The following PTPN1 variants were observed in gnomAD, a reference collection of about 807,000 sequenced individuals.
PTPN1 encodes the protein protein tyrosine phosphatase non-receptor type 1.
Under a neutral mutation model 59.9 loss-of-function variants are expected in PTPN1, and 12 were observed. The observed-to-expected ratio is 0.20, with a 90% CI of 0.13 to 0.32. PTPN1 has a LOEUF of 0.32. Among genes scored for constraint, PTPN1 ranks in the 10% least tolerant of loss-of-function variants. The probability of loss-of-function intolerance (pLI) is 1.00; values close to 1 mark genes in which losing one functional copy is unlikely to be tolerated. For synonymous variants in PTPN1, 178 were observed against 203.6 expected, an observed-to-expected ratio of 0.87 and a Z score of 1.07; for missense variants, 356 against 549.2, an observed-to-expected ratio of 0.65 and a Z score of 3.52.
intron 5 of PTPN1, 116 bp from the exon 6 acceptor site, chr20:50,578,304 G>T (rs2122802171): frequency 1.1e-6 from 1 of 926,630 alleles, no homozygotes; most frequent in East Asian, 2.4e-5. Context: ...GAAAGTCTGA[G>T]AATGAATGTT....
chr20:50,552,997 T>A (rs1324929130), intron 1 of PTPN1, among the ~76,000 whole-genome samples: 3 of 152,198 alleles, frequency 2.0e-5, no homozygotes, highest in Non-Finnish European at 2.9e-5. Flanking sequence ...TTTTATTTCC[T>A]CTACTTGATT....
chr20:50,516,636 C>T (rs925046976), intron 1 of PTPN1, among the ~76,000 whole-genome samples: 19 of 152,032 alleles, frequency 1.2e-4, no homozygotes, highest in Admixed American at 3.3e-4. Flanking sequence ...TGTTTTTTCC[C>T]GAGGGGCATG....
At chr20:50,523,394 G>A (rs200467753) in intron 1 of PTPN1, among the ~76,000 whole-genome samples, 3 of 152,168 alleles carry the variant, frequency 2.0e-5, no homozygotes, top group East Asian at 1.9e-4. Flanking sequence ...CCAGCTCAGT[G>A]TTTTAGCACT....
chr20:50,574,379 G>A (rs770323480), intron 4 of PTPN1, 138 bp from the exon 5 acceptor site: 22 of 895,016 alleles, frequency 2.5e-5, no homozygotes, highest in Admixed American at 1.4e-4. Flanking sequence ...GCAGGCATCT[G>A]TGCTGACCAT....
rs545104228 is a variant in PTPN1, at chr20:50,568,634, A to G, written c.354+156A>G. Among the ~76,000 whole-genome samples, 5 of 152,342 alleles carry G rather than the reference A, an allele frequency of 3.3e-5. No homozygotes were observed. Among genetic ancestry groups the G allele is most frequent in the South Asian group, 2.1e-4 (1 of 4,828 alleles). ...AATTAAAACAGCAGCATATAAATGC[A>G]TGTTGGTTGTCAACCAGTTAATGAA... is the stretch of plus-strand genomic sequence containing the variant. On this transcript the variant is annotated intron_variant, in intron 4 of 9. Transcript: ENST00000371621. This position sits in a 1 kb window ranked among gnomAD's most constrained non-coding sequence, Gnocchi z 5.6.
At chr20:50,577,301 A>G (rs1440633863) in intron 5 of PTPN1, among the ~76,000 whole-genome samples, 1 of 152,184 alleles carries the variant, frequency 6.6e-6, no homozygotes, top group Non-Finnish European at 1.5e-5. Context: ...GACATTCGTC[A>G]AGTGAAGGAA....
Position 50,568,436 on chromosome 20 carries a change from C to G in PTPN1, c.312C>G (p.Ser104Arg). Reference sequence around the variant, plus strand: ...GGGAGATGGTGTGGGAGCAGAAAAGCAGGGGTGTCGTCATGCTCAACAGAG... The same window carrying G: ...GGGAGATGGTGTGGGAGCAGAAAAGGAGGGGTGTCGTCATGCTCAACAGAG... ...HFWEMVWEQKSRGVVMLNRVM... is the reference protein window; with the variant it reads ...HFWEMVWEQKRRGVVMLNRVM... Residue 104 changes from serine to arginine, a missense_variant, in exon 4 of 10, where the codon AGC (serine) becomes AGG (arginine). Physicochemically the swap from Ser to Arg is moderately radical, Grantham distance 110. Coordinates refer to ENST00000371621, the MANE Select transcript of PTPN1 (RefSeq NM_002827.4). The surrounding 1 kb of genome is among the most constrained non-coding windows in gnomAD (Gnocchi z 5.6). 1 of 1,614,130 alleles carries G rather than the reference C, an allele frequency of 6.2e-7. No individual in the cohort carries two copies. The highest frequency in any genetic ancestry group is 8.5e-7 in the Non-Finnish European group (1 of 1,179,998).
chr20:50,552,838 C>G (rs951590471), intron 1 of PTPN1, among the ~76,000 whole-genome samples: 1 of 152,056 alleles, frequency 6.6e-6, no homozygotes, highest in Non-Finnish European at 1.5e-5. Context: ...ACATGCCGTG[C>G]GTCCTCCTAC....
At chr20:50,523,287 C>T (rs1484431416) in intron 1 of PTPN1, among the ~76,000 whole-genome samples, 5 of 152,106 alleles carry the variant, frequency 3.3e-5, no homozygotes, top group African/African-American at 4.8e-5. Flanking sequence ...TGTTAGAGGA[C>T]GTCCAGGGAA....
At chr20:50,581,177 T>C in intron 8 of PTPN1, 88 bp from the exon 9 acceptor site, 1 of 1,497,892 alleles carries the variant, frequency 6.7e-7, no homozygotes, top group Middle Eastern at 1.8e-4. Context: ...TGGCTTGTTT[T>C]TTCCTAGAAT....
chr20:50,569,767 GTCCTGTGTAGATTGTCTGTGTAGACCA>G (rs1270848245), intron 4 of PTPN1, among the ~76,000 whole-genome samples: 1 of 152,100 alleles, frequency 6.6e-6, no homozygotes, highest in African/African-American at 2.4e-5. Flanking sequence ...TCTGTAGACC[GTCCTGTGTAGATTGTCTGTGTAGACCA>G]TCCTGTGTAG....
At chr20:50,524,478 C>T (rs2082564675) in intron 1 of PTPN1, among the ~76,000 whole-genome samples, 1 of 150,296 alleles carries the variant, frequency 6.7e-6, no homozygotes, top group South Asian at 2.1e-4. Flanking sequence ...TGACTTGCAG[C>T]TGCCACTATG....
rs1270197891 is a variant in PTPN1 at position 50,584,280 on chromosome 20, G to A, written c.*1565G>A. On this transcript the variant is annotated 3_prime_UTR_variant, in exon 10 of 10. Coordinates refer to ENST00000371621, the MANE Select transcript of PTPN1 (RefSeq NM_002827.4). ...CAGAGCTATGGTGAGGTGTGGATAA[G>A]GCTTAGGTGCCAGGCTGTAAGCATT... 2 of 152,646 alleles carry A rather than the reference G, an allele frequency of 1.3e-5. No homozygotes were observed. The highest frequency in any genetic ancestry group is 4.8e-5 in the African/African-American group (2 of 41,466). 9.5% of individuals were successfully genotyped at this position (152,646 alleles called of 1,614,324 possible).
intron 1 of PTPN1, among the ~76,000 whole-genome samples, chr20:50,553,257 A>G (rs1229064028): frequency 6.6e-6 from 1 of 152,232 alleles, no homozygotes; most frequent in African/African-American, 2.4e-5. Flanking sequence ...GCATTACCTT[A>G]GTAGACTGGA....
chr20:50,566,404 A>G (rs2082779202), intron 3 of PTPN1, among the ~76,000 whole-genome samples: 1 of 151,972 alleles, frequency 6.6e-6, no homozygotes, highest in South Asian at 2.1e-4. Context: ...TGTCCTGCCT[A>G]CCCCGCATCC....
At chr20:50,519,998 A>C (rs942706700) in intron 1 of PTPN1, among the ~76,000 whole-genome samples, 2 of 152,222 alleles carry the variant, frequency 1.3e-5, no homozygotes, top group Non-Finnish European at 2.9e-5. Context: ...TCTATATTCT[A>C]TACTTGGCTA....
chr20:50,546,576 C>G (rs2082677008), intron 1 of PTPN1, among the ~76,000 whole-genome samples: 1 of 152,180 alleles, frequency 6.6e-6, no homozygotes. Context: ...ATGCCTTTTC[C>G]TTGGTCCTGG....
chr20:50,580,990 T>G (rs2082865508), intron 8 of PTPN1, among the ~76,000 whole-genome samples: 1 of 152,148 alleles, frequency 6.6e-6, no homozygotes, highest in African/African-American at 2.4e-5. Context: ...ATCCTCACAG[T>G]GACCAGTCGC....
At chr20:50,516,912 A>G (rs1477534983) in intron 1 of PTPN1, among the ~76,000 whole-genome samples, 2 of 152,234 alleles carry the variant, frequency 1.3e-5, no homozygotes, top group Admixed American at 6.5e-5. Context: ...TAGTTTACAC[A>G]TCTGCCATAT....
Sources: gnomAD v4.1 joint callset for allele counts (sites outside exome capture counted in the v4.1 genomes callset) on GRCh38, gnomAD v4.1.1 for gene constraint, Gnocchi (gnomAD v3.1) non-coding constraint, MANE v1.5 for transcripts, NCBI Gene and HGNC (gene_info 2026-07-23, HGNC 2026-07-21) for gene names.